Variants in ARHGAP6 observed in about 807,000 individuals in gnomAD.
ARHGAP6 encodes rho GTPase-activating protein 6.
ARHGAP6 carries 16 observed loss-of-function variants against 55.7 expected under a neutral mutation model. The ratio of observed to expected loss-of-function variants is 0.29; its 90% confidence interval spans 0.19 to 0.44. The LOEUF (loss-of-function observed/expected upper bound fraction) is 0.44, where lower values mean the gene tolerates loss of function less well. Among genes scored for constraint, ARHGAP6 ranks in the 20% least tolerant of loss-of-function variants. The pLI, the probability that ARHGAP6 is intolerant of heterozygous loss-of-function variation, is 1.00. For synonymous variants in ARHGAP6, 382 were observed against 360.9 expected (o/e 1.06, Z -0.66); for missense variants, 698 against 808.9 (o/e 0.86, Z 1.66).
chrX:11,522,614 G>A (rs2050943237), intron 1 of ARHGAP6, among the ~76,000 whole-genome samples: 1 of 111,773 alleles, frequency 8.9e-6, no homozygotes, highest in African/African-American at 3.3e-5. Flanking sequence ...ACACCTCTAT[G>A]CAAATAAACT....
intron 1 of ARHGAP6, chrX:11,367,775 A>T (rs1361455420): frequency 1.3e-6 from 1 of 753,108 alleles, no homozygotes. Context: ...TGTTACCTCC[A>T]GATTGTGGGA....
chrX:11,399,606 A>G (rs1390541049), intron 1 of ARHGAP6, among the ~76,000 whole-genome samples: 2 of 111,765 alleles, frequency 1.8e-5, no homozygotes, highest in East Asian at 5.6e-4. Context: ...GCTTTTAATC[A>G]TCACTGTTAC....
chrX:11,195,618 A>G (rs2046523522), intron 3 of ARHGAP6, among the ~76,000 whole-genome samples: 1 of 110,577 alleles, frequency 9.0e-6, no homozygotes, highest in African/African-American at 3.3e-5. Flanking sequence ...ACATGTTCAT[A>G]TGGACACAAA....
intron 2 of ARHGAP6, among the ~76,000 whole-genome samples, chrX:11,226,514 C>T (rs1491002430): frequency 9.0e-6 from 1 of 111,375 alleles, no homozygotes; most frequent in African/African-American, 3.3e-5. Flanking sequence ...TTTTAGGATT[C>T]ATGAATAGTT....
At chrX:11,457,925 G>A (rs1159737226) in intron 1 of ARHGAP6, among the ~76,000 whole-genome samples, 1 of 111,853 alleles carries the variant, frequency 8.9e-6, no homozygotes, top group African/African-American at 3.3e-5. Flanking sequence ...TGTTCCTGCA[G>A]TTACCTCCCA....
chrX:11,449,183 G>T (rs1396901362), intron 1 of ARHGAP6, among the ~76,000 whole-genome samples: 1 of 111,662 alleles, frequency 9.0e-6, no homozygotes, highest in Non-Finnish European at 1.9e-5. Flanking sequence ...ATTCTCTCTT[G>T]AATCTATACG....
intron 2 of ARHGAP6, among the ~76,000 whole-genome samples, chrX:11,252,923 C>T (rs1289276284): frequency 8.9e-6 from 1 of 112,057 alleles, no homozygotes; most frequent in African/African-American, 3.2e-5. Flanking sequence ...GTCGCCCAAG[C>T]TCACAGGTGT....
rs180714819 is a variant in ARHGAP6 at position 11,396,359 on chromosome X, A to G, written c.589-141652T>C. Among the ~76,000 whole-genome samples, 94 of 110,755 alleles carry G rather than the reference A, an allele frequency of 8.5e-4. No homozygotes were observed. The Admixed American group carries it at 9.1e-3, about 11-fold the overall frequency. On this transcript the variant is annotated intron_variant, in intron 1 of 12. Transcript: ENST00000337414. ...TCACCCAGCATGCCTGGTGTTTCCTAAATCCCTTTTCAATTGCCCTTCTTA... is the reference window on the plus strand; with the variant it reads ...TCACCCAGCATGCCTGGTGTTTCCTGAATCCCTTTTCAATTGCCCTTCTTA...
chrX:11,556,360 C>T (rs1366457091), intron 1 of ARHGAP6, among the ~76,000 whole-genome samples: 4 of 111,815 alleles, frequency 3.6e-5, no homozygotes, highest in African/African-American at 3.3e-5. Context: ...ATCTGACTTT[C>T]GTGAAACTAC....
At chrX:11,272,367 G>A (rs774519746) in intron 1 of ARHGAP6, among the ~76,000 whole-genome samples, 6 of 110,413 alleles carry the variant, frequency 5.4e-5, no homozygotes, top group Non-Finnish European at 1.1e-4. Context: ...CATTGTAATG[G>A]CCAGAGCTTA....
At chrX:11,635,329 AT>A (rs2052406218) in intron 1 of ARHGAP6, among the ~76,000 whole-genome samples, 1 of 89,480 alleles carries the variant, frequency 1.1e-5, no homozygotes, top group Non-Finnish European at 2.6e-5. Flanking sequence ...CCAAGTAATT[AT>A]CTCTATAATA....
intron 1 of ARHGAP6, among the ~76,000 whole-genome samples, chrX:11,659,655 G>T (rs1488858415): frequency 9.0e-6 from 1 of 111,712 alleles, no homozygotes; most frequent in Non-Finnish European, 1.9e-5. Context: ...ATCCAGGTGA[G>T]CCCAATGTAA....
chrX:11,187,529 A>C (rs2099901549), intron 4 of ARHGAP6, among the ~76,000 whole-genome samples: 1 of 112,410 alleles, frequency 8.9e-6, no homozygotes, highest in South Asian at 3.7e-4. Flanking sequence ...TCCATCATGC[A>C]ACTTCAGGAA....
intron 2 of ARHGAP6, among the ~76,000 whole-genome samples, chrX:11,231,305 C>T (rs2047128280): frequency 8.9e-6 from 1 of 111,971 alleles, no homozygotes; most frequent in South Asian, 3.7e-4. Flanking sequence ...CATCATGTCT[C>T]CTAATATTGT....
chrX:11,223,858 G>A (rs1158050974), intron 2 of ARHGAP6, among the ~76,000 whole-genome samples: 2 of 110,892 alleles, frequency 1.8e-5, no homozygotes. Flanking sequence ...TTGTTTCTGG[G>A]AAATTTATAG....
chrX:11,518,903 C>T (rs764642160), intron 1 of ARHGAP6, among the ~76,000 whole-genome samples: 24 of 90,693 alleles, frequency 2.6e-4, no homozygotes, highest in Non-Finnish European at 4.2e-4. Context: ...TTTGTTCTTG[C>T]GATAGTTTAC....
chrX:11,396,768 T>A (rs981899497), intron 1 of ARHGAP6, among the ~76,000 whole-genome samples: 4 of 72,325 alleles, frequency 5.5e-5, no homozygotes, highest in Non-Finnish European at 1.2e-4. Flanking sequence ...AGCTCAGACT[T>A]TTTTTTAAAA....
intron 2 of ARHGAP6, among the ~76,000 whole-genome samples, chrX:11,227,030 AT>A (rs1207196644): frequency 8.9e-6 from 1 of 111,989 alleles, no homozygotes; most frequent in African/African-American, 3.2e-5. Context: ...AAACAATGTA[AT>A]TTTCTTTTGG....
In ARHGAP6 at chrX:11,522,208, G is replaced by C. The variant is rs759206273; in HGVS notation, c.588+142033C>G. 3.0e-3 allele frequency among the ~76,000 whole-genome samples: 337 copies of C among 111,323 alleles called. 1 individual carries two copies. The highest frequency in any genetic ancestry group is 0.019 in the Middle Eastern group (4 of 215). On this transcript the variant is annotated intron_variant, in intron 1 of 12. Transcript: ENST00000337414. The stretch of plus-strand genomic sequence containing the variant: ...CCAACGAGAACAAAGACACAACATA[G>C]CGGAATCTCTGGGACACATTTAAAG...
Sources: gnomAD v4.1 joint callset for allele counts (sites outside exome capture counted in the v4.1 genomes callset) on GRCh38, gnomAD v4.1.1 for gene constraint, MANE v1.5 for transcripts, NCBI Gene and HGNC (gene_info 2026-07-23, HGNC 2026-07-21) for gene names.